Variants in NBEA observed in about 807,000 individuals in gnomAD.
The protein encoded by NBEA is neurobeachin.
Under a neutral mutation model 343.4 loss-of-function variants are expected in NBEA, and 44 were observed. The observed-to-expected ratio is 0.13, with a 90% CI of 0.10 to 0.16. The LOEUF is 0.16. Among genes scored for constraint, NBEA ranks in the 10% least tolerant of loss-of-function variants. The probability of loss-of-function intolerance (pLI) is 1.00; values close to 1 mark genes in which losing one functional copy is unlikely to be tolerated. For synonymous variants in NBEA, 1,175 were observed against 1,238.7 expected, an observed-to-expected ratio of 0.95 and a Z score of 1.08; for missense variants, 2,555 against 3,631.3, an observed-to-expected ratio of 0.70 and a Z score of 7.62.
chr13:34,951,043 T>C (rs2059335111), intron 1 of NBEA, among the ~76,000 whole-genome samples: 1 of 152,162 alleles, frequency 6.6e-6, no homozygotes, highest in South Asian at 2.1e-4. Flanking sequence ...TAAATGCTCT[T>C]TCTGGGCTCG....
chr13:35,617,140 A>C (rs2082771637), intron 48 of NBEA, among the ~76,000 whole-genome samples: 1 of 152,230 alleles, frequency 6.6e-6, no homozygotes, highest in South Asian at 2.1e-4. Context: ...TTTTAATTGT[A>C]AGTAGTAAGT....
intron 41 of NBEA, among the ~76,000 whole-genome samples, chr13:35,536,387 A>G (rs2078543106): frequency 6.6e-6 from 1 of 152,144 alleles, no homozygotes; most frequent in African/African-American, 2.4e-5. Context: ...CTAGAACATA[A>G]AGTGTGGAAA....
Position 35,069,973 on chromosome 13 carries a change from T to C in NBEA, c.1305T>C (p.Tyr435=), listed in dbSNP as rs1258328168. 4.4e-6 allele frequency: 7 copies of C among 1,605,760 alleles called. No homozygotes were observed. Among genetic ancestry groups the C allele is most frequent in the Non-Finnish European group, 6.0e-6 (7 of 1,176,322 alleles). The change falls in exon 9 of 59, where the codon TAT becomes TAC. Residue 435 remains tyrosine, a synonymous_variant. Coordinates refer to ENST00000379939, the MANE Select transcript of NBEA (RefSeq NM_001385012.1). ...CAGAACATCATAAACAGGTGTTATA[T>C]GATGGGAAACTTGCAAGTAGCATTG... ...HLAEHHKQVL[Y]DGKLASSIAF... is the part of the protein sequence containing the mutation.
chr13:35,396,991 ACTT>A (rs2042777540), intron 38 of NBEA, among the ~76,000 whole-genome samples: 1 of 152,118 alleles, frequency 6.6e-6, no homozygotes, highest in Admixed American at 6.6e-5. Flanking sequence ...TTCATCCTGG[ACTT>A]CTACACTATC....
intron 45 of NBEA, among the ~76,000 whole-genome samples, chr13:35,571,805 A>C (rs1231882265): frequency 6.6e-6 from 1 of 152,202 alleles, no homozygotes; most frequent in Non-Finnish European, 1.5e-5. Context: ...AAATTATCAA[A>C]ACTGTAACAT....
intron 29 of NBEA, 53 bp from the exon 30 acceptor site, chr13:35,183,923 G>GTGGCA: frequency 7.7e-7 from 1 of 1,294,894 alleles, no homozygotes; most frequent in Non-Finnish European, 1.1e-6. Context: ...AGTGGACCAT[G>GTGGCA]TGGCAGGTTG....
chr13:35,413,358 TTGTG>T, intron 38 of NBEA, among the ~76,000 whole-genome samples: 1 of 152,278 alleles, frequency 6.6e-6, no homozygotes, highest in Admixed American at 6.5e-5. Flanking sequence ...TATGTATTTT[TTGTG>T]TGTATTTAGT....
intron 30 of NBEA, 52 bp from the exon 31 acceptor site, chr13:35,195,812 A>T: frequency 1.5e-5 from 21 of 1,430,796 alleles, no homozygotes; most frequent in Non-Finnish European, 2.0e-5. Flanking sequence ...GATTAATAAT[A>T]CAAGATTTTT....
chr13:34,952,589 C>A (rs962073190), intron 1 of NBEA, among the ~76,000 whole-genome samples: 2 of 151,998 alleles, frequency 1.3e-5, no homozygotes, highest in African/African-American at 4.8e-5. Flanking sequence ...ACTGTATATA[C>A]CATATTTGCT....
At chr13:35,297,879 A>G (rs565071120) in intron 35 of NBEA, among the ~76,000 whole-genome samples, 2 of 151,976 alleles carry the variant, frequency 1.3e-5, no homozygotes, top group African/African-American at 4.8e-5. Context: ...TTACCATTTT[A>G]AGTATACAGT....
intron 39 of NBEA, among the ~76,000 whole-genome samples, chr13:35,448,443 A>T (rs960101156): frequency 6.6e-6 from 1 of 152,192 alleles, no homozygotes; most frequent in Non-Finnish European, 1.5e-5. Flanking sequence ...CTTGCCCCAA[A>T]CTAAAGGCAA....
rs527694739 is a variant in NBEA at position 35,227,612 on chromosome 13, C to T, written c.5649-4880C>T. ...ATTATTTCTTTTTGTTCTATGTTTT[C>T]TTATTATAAACTACCTATTTTATAT... On this transcript the variant is annotated intron_variant, in intron 33 of 58. Transcript: ENST00000379939. Among the ~76,000 whole-genome samples the T allele has an allele frequency of 3.3e-5, 5 of 151,904 alleles. No homozygotes were observed. The South Asian group carries it at 1.0e-3, about 32-fold the overall frequency.
chr13:35,486,716 A>G (rs974697108), intron 41 of NBEA, among the ~76,000 whole-genome samples: 13 of 152,046 alleles, frequency 8.6e-5, no homozygotes, highest in African/African-American at 3.1e-4. Context: ...TTACATAAAC[A>G]ACATAATTGA....
intron 1 of NBEA, among the ~76,000 whole-genome samples, chr13:35,035,875 A>G (rs1032447217): frequency 1.3e-5 from 2 of 151,620 alleles, no homozygotes; most frequent in Non-Finnish European, 2.9e-5. Context: ...ATCTTTTTCC[A>G]TCTGTTTATT....
intron 37 of NBEA, among the ~76,000 whole-genome samples, chr13:35,350,700 A>G (rs1295077529): frequency 6.6e-6 from 1 of 150,598 alleles, no homozygotes; most frequent in African/African-American, 2.4e-5. Flanking sequence ...AAATGTTTAT[A>G]TCTCTCCTTT....
intron 23 of NBEA, among the ~76,000 whole-genome samples, chr13:35,162,433 G>A (rs1363175424): frequency 6.6e-6 from 1 of 152,100 alleles, no homozygotes; most frequent in East Asian, 1.9e-4. Flanking sequence ...TGGCTTCCAT[G>A]CTTCTCCTCA....
chr13:35,421,467 C>T (rs1249072889), intron 38 of NBEA, among the ~76,000 whole-genome samples: 1 of 151,948 alleles, frequency 6.6e-6, no homozygotes, highest in Non-Finnish European at 1.5e-5. Flanking sequence ...TTTGCCTTCC[C>T]CCATTTATAA....
chr13:35,173,286 G>T (rs1030490121), intron 26 of NBEA, among the ~76,000 whole-genome samples, 178 bp from the exon 27 acceptor site: 3 of 151,956 alleles, frequency 2.0e-5, no homozygotes, highest in Non-Finnish European at 4.4e-5. Flanking sequence ...TGTATATTTT[G>T]TAGGTACTTT....
chr13:35,496,988 A>G (rs2076706778), intron 41 of NBEA, among the ~76,000 whole-genome samples: 1 of 152,006 alleles, frequency 6.6e-6, no homozygotes, highest in South Asian at 2.1e-4. Context: ...CCATGAAGCA[A>G]CTCTTTCTCC....
Sources: gnomAD v4.1 joint callset for allele counts (sites outside exome capture counted in the v4.1 genomes callset) on GRCh38, gnomAD v4.1.1 for gene constraint, MANE v1.5 for transcripts, NCBI Gene and HGNC (gene_info 2026-07-23, HGNC 2026-07-21) for gene names.